PTPRN2: variants seen among roughly 807,000 people sequenced by gnomAD.
PTPRN2 encodes the protein protein tyrosine phosphatase receptor type N2.
Under a neutral mutation model 118.8 loss-of-function variants are expected in PTPRN2, and 74 were observed. The ratio of observed to expected loss-of-function variants is 0.62; its 90% CI spans 0.52 to 0.76. PTPRN2 has a LOEUF of 0.76. Ranked by LOEUF, PTPRN2 falls within the 30% of genes least tolerant of loss-of-function variation. The pLI is 0.00. For synonymous variants in PTPRN2, 641 were observed against 608.0 expected (o/e 1.05, Z -0.80); for missense variants, 1,481 against 1,394.4 (o/e 1.06, Z -0.99).
chr7:157,749,179 CCTGA>C (rs1339188127), intron 12 of PTPRN2, among the ~76,000 whole-genome samples: 11 of 50,742 alleles, frequency 2.2e-4, no homozygotes, highest in African/African-American at 4.0e-4. Context: ...GGCCTGTGTC[CCTGA>C]GCTCTGGGCT....
chr7:157,945,841 C>T (rs1011750698), intron 11 of PTPRN2, among the ~76,000 whole-genome samples: 1 of 152,132 alleles, frequency 6.6e-6, no homozygotes, highest in Non-Finnish European at 1.5e-5. Context: ...CACACCACTT[C>T]CTGGCTTCAG....
intron 2 of PTPRN2, among the ~76,000 whole-genome samples, chr7:158,418,870 C>A (rs1240722196): frequency 1.3e-5 from 2 of 152,202 alleles, no homozygotes; most frequent in East Asian, 3.9e-4. Context: ...CTGTAGCTCT[C>A]ACTGTCCCAC....
chr7:157,799,816 GCACCACAGCCGGCCCCCTCCA>G, intron 12 of PTPRN2, among the ~76,000 whole-genome samples: 5 of 109,758 alleles, frequency 4.6e-5, no homozygotes, highest in African/African-American at 1.5e-4. Flanking sequence ...TCCCTCAGAG[GCACCACAGCCGGCCCCCTCCA>G]TCCCTCAGAG....
chr7:157,582,147 C>T (rs1034390226), intron 17 of PTPRN2, among the ~76,000 whole-genome samples: 27 of 152,278 alleles, frequency 1.8e-4, no homozygotes, highest in Middle Eastern at 3.4e-3. Flanking sequence ...GAGATGCATC[C>T]GCTGCAACCT....
chr7:157,777,521 G>GCTAA (rs1803406506), intron 12 of PTPRN2, among the ~76,000 whole-genome samples: 1 of 151,154 alleles, frequency 6.6e-6, no homozygotes, highest in Non-Finnish European at 1.5e-5. Context: ...GCCCCACACT[G>GCTAA]CTAAGCTCAG....
chr7:158,132,167 A>AAC (rs1231368943), intron 9 of PTPRN2, among the ~76,000 whole-genome samples: 1 of 148,094 alleles, frequency 6.8e-6, no homozygotes, highest in African/African-American at 2.6e-5. Flanking sequence ...ACATCTACCA[A>AAC]ACACACACAC....
chr7:157,860,049 C>G (rs1172516758), intron 12 of PTPRN2, among the ~76,000 whole-genome samples: 1 of 152,242 alleles, frequency 6.6e-6, no homozygotes, highest in African/African-American at 2.4e-5. Context: ...GGGAGAGCCC[C>G]CAGCTCTGCA....
At chr7:158,266,906 G>T (rs1038890276) in intron 3 of PTPRN2, among the ~76,000 whole-genome samples, 1 of 152,168 alleles carries the variant, frequency 6.6e-6, no homozygotes, top group African/African-American at 2.4e-5. Flanking sequence ...TGCCGCTGTG[G>T]GGCCGGCCTT....
chr7:157,682,821 G>A lies in PTPRN2; in HGVS notation c.1905C>T (p.Leu635=). Residue 635 remains leucine, a synonymous_variant, in exon 13 of 23, where the codon CTC becomes CTT. Transcript: ENST00000389418. ...CILGVLLASG[L]IYCLRHSSQH... is the part of the protein sequence containing the mutation. ...GAGAGCTATGGCGGAGGCAGTAGAT[G>A]AGGCCAGAGGCCAGGAGGACGCCCA... is the stretch of plus-strand genomic sequence containing the variant. 6.2e-7 allele frequency: 1 copy of A among 1,614,052 alleles called. No individual in the cohort carries two copies. The highest frequency in any genetic ancestry group is 8.5e-7 in the Non-Finnish European group (1 of 1,180,010).
intron 11 of PTPRN2, among the ~76,000 whole-genome samples, chr7:157,946,865 C>T (rs911614662): frequency 3.9e-5 from 6 of 152,290 alleles, no homozygotes; most frequent in Non-Finnish European, 7.4e-5. Flanking sequence ...TGTGGACGGC[C>T]GGGGCCCGAC....
chr7:157,632,138 C>T lies in PTPRN2; in HGVS notation c.2197-10629G>A, dbSNP rs1803998656. ...GGCTTTTGATGTTCCAAATCGATAA[C>T]AAAGTCCAGAGTTGTAAGAAATCAC... On this transcript the variant is annotated intron_variant, in intron 14 of 22. Transcript: ENST00000389418. This position sits in a 1 kb window ranked among gnomAD's most constrained non-coding sequence, Gnocchi z 4.3. 2.0e-5 allele frequency among the ~76,000 whole-genome samples: 3 copies of T among 152,170 alleles called. No individual in the cohort carries two copies. Among genetic ancestry groups the T allele is most frequent in the Admixed American group, 6.5e-5 (1 of 15,272 alleles).
intron 11 of PTPRN2, among the ~76,000 whole-genome samples, chr7:157,907,471 T>A (rs1387609881): frequency 6.8e-6 from 1 of 146,648 alleles, no homozygotes; most frequent in Non-Finnish European, 1.5e-5. Context: ...GGTGGCAGTA[T>A]CTCCCTGTCC....
intron 19 of PTPRN2, among the ~76,000 whole-genome samples, chr7:157,572,988 A>G (rs1393302098): frequency 6.6e-6 from 1 of 152,232 alleles, no homozygotes; most frequent in Admixed American, 6.5e-5. Flanking sequence ...AGGCAACAGC[A>G]CTTGTATGCC....
At chr7:157,656,846 A>C (rs368552422) in intron 13 of PTPRN2, among the ~76,000 whole-genome samples, 4 of 111,602 alleles carry the variant, frequency 3.6e-5, no homozygotes, top group Non-Finnish European at 5.7e-5. Context: ...CACACACACC[A>C]CACACACACA....
intron 2 of PTPRN2, among the ~76,000 whole-genome samples, chr7:158,319,347 G>T (rs1802610774): frequency 1.3e-5 from 2 of 151,936 alleles, no homozygotes; most frequent in Non-Finnish European, 2.9e-5. Flanking sequence ...TGAGTGGAAA[G>T]TAGGGATATT....
chr7:157,791,661 C>G (rs1804511342), intron 12 of PTPRN2, among the ~76,000 whole-genome samples: 1 of 152,164 alleles, frequency 6.6e-6, no homozygotes, highest in Non-Finnish European at 1.5e-5. Context: ...TAGTCACCCT[C>G]TCGACCAAGA....
At chr7:157,795,416 C>G (rs1269433959) in intron 12 of PTPRN2, among the ~76,000 whole-genome samples, 1 of 152,248 alleles carries the variant, frequency 6.6e-6, no homozygotes, top group East Asian at 1.9e-4. Context: ...TTTGCTCACC[C>G]TCCCCAGGGG....
chr7:157,762,846 C>A (rs1288382873), intron 12 of PTPRN2, among the ~76,000 whole-genome samples: 3 of 152,200 alleles, frequency 2.0e-5, no homozygotes, highest in Admixed American at 6.5e-5. Flanking sequence ...GGTATCAGGG[C>A]CCCCCTTGGG....
In PTPRN2 at chr7:158,124,952, C is replaced by T. The variant is rs972347909; in HGVS notation, c.1556+8725G>A. Among the ~76,000 whole-genome samples, 50 of 152,216 alleles carry T rather than the reference C, an allele frequency of 3.3e-4. 1 individual carries two copies. Among genetic ancestry groups the T allele is most frequent in the Admixed American group, 2.6e-3 (40 of 15,282 alleles). Reference sequence around the variant, plus strand: ...TGCTGGTGCGCAAGAGAGAAGGCCCCGCAGTGCGGAGGCAAGAGGCTCAGA... The same window carrying T: ...TGCTGGTGCGCAAGAGAGAAGGCCCTGCAGTGCGGAGGCAAGAGGCTCAGA... On this transcript the variant is annotated intron_variant, in intron 9 of 22. Transcript: ENST00000389418.
Sources: gnomAD v4.1 joint callset for allele counts (sites outside exome capture counted in the v4.1 genomes callset) on GRCh38, gnomAD v4.1.1 for gene constraint, Gnocchi (gnomAD v3.1) non-coding constraint, MANE v1.5 for transcripts, NCBI Gene and HGNC (gene_info 2026-07-23, HGNC 2026-07-21) for gene names.